Variants in LINGO2 observed in about 807,000 individuals in gnomAD.
LINGO2 encodes leucine-rich repeat and immunoglobulin-like domain-containing nogo receptor-interacting protein 2.
Under a neutral mutation model 30.6 loss-of-function variants are expected in LINGO2, and 14 were observed. That is an observed-to-expected ratio of 0.46 (90% CI 0.30 to 0.72). The LOEUF is 0.72. Ranked by LOEUF, LINGO2 falls within the 30% of genes least tolerant of loss-of-function variation. LINGO2 has a pLI of 0.07. For synonymous variants in LINGO2, 317 were observed against 288.5 expected (o/e 1.10, Z -1.00); for missense variants, 729 against 751.7 (o/e 0.97, Z 0.35).
the LINGO2 span, among the ~76,000 whole-genome samples, chr9:29,130,153 G>A: frequency 6.6e-6 from 1 of 152,106 alleles, no homozygotes; most frequent in Admixed American, 6.6e-5. Context: ...AAGAGAAGAT[G>A]GGCAATTGAA....
intron 1 of LINGO2, among the ~76,000 whole-genome samples, chr9:28,616,633 C>T (rs1826142404): frequency 6.6e-6 from 1 of 152,148 alleles, no homozygotes; most frequent in African/African-American, 2.4e-5. Context: ...ATTTCCCTGC[C>T]CTGATTATTG....
chr9:28,310,011 TG>T (rs1824547736), intron 3 of LINGO2, among the ~76,000 whole-genome samples: 1 of 152,118 alleles, frequency 6.6e-6, no homozygotes, highest in African/African-American at 2.4e-5. Context: ...TACCAAGTGT[TG>T]GCAAGGGTGT....
At chr9:28,405,215 A>G (rs1822450229) in intron 2 of LINGO2, among the ~76,000 whole-genome samples, 1 of 152,142 alleles carries the variant, frequency 6.6e-6, no homozygotes, top group Non-Finnish European at 1.5e-5. Flanking sequence ...CGTAACTTGT[A>G]TATTTAATTT....
chr9:28,647,776 G>A (rs908110821), intron 1 of LINGO2, among the ~76,000 whole-genome samples: 1 of 151,828 alleles, frequency 6.6e-6, no homozygotes, highest in African/African-American at 2.4e-5. Context: ...CTTCCAAAGA[G>A]TTTGGGATTA....
At chr9:28,789,139 A>G in the LINGO2 span, among the ~76,000 whole-genome samples, 5 of 152,148 alleles carry the variant, frequency 3.3e-5, no homozygotes, top group Admixed American at 3.3e-4. Context: ...AATATCACCA[A>G]CTTGAACATT....
intron 4 of LINGO2, among the ~76,000 whole-genome samples, chr9:28,267,067 A>C (rs1289639456): frequency 1.3e-5 from 2 of 152,058 alleles, no homozygotes; most frequent in African/African-American, 2.4e-5. Context: ...CAGACAGTGC[A>C]ATAATGCCCT....
the LINGO2 span, among the ~76,000 whole-genome samples, chr9:28,973,598 C>T: frequency 1.3e-5 from 2 of 152,152 alleles, no homozygotes; most frequent in Admixed American, 6.5e-5. Flanking sequence ...TATCTTGCTC[C>T]CCCTTTGCTT....
intron 4 of LINGO2, among the ~76,000 whole-genome samples, chr9:28,279,870 A>G (rs1474045909): frequency 1.3e-5 from 2 of 152,180 alleles, no homozygotes; most frequent in Non-Finnish European, 2.9e-5. Flanking sequence ...AAACAGTTTT[A>G]GAATACACCA....
chr9:28,555,684 G>A (rs1297445559), intron 1 of LINGO2, among the ~76,000 whole-genome samples: 2 of 151,964 alleles, frequency 1.3e-5, no homozygotes, highest in African/African-American at 4.8e-5. Context: ...GCCGGGCCGA[G>A]ACACAACCAA....
At chr9:28,479,520 T>C (rs1473513094) in intron 1 of LINGO2, among the ~76,000 whole-genome samples, 1 of 151,936 alleles carries the variant, frequency 6.6e-6, no homozygotes, top group Non-Finnish European at 1.5e-5. Flanking sequence ...TTGCTAAATA[T>C]TACTGCCAAA....
the LINGO2 span, among the ~76,000 whole-genome samples, chr9:28,813,288 A>G: frequency 1.3e-5 from 2 of 152,150 alleles, no homozygotes. Flanking sequence ...TATACATGAT[A>G]TGGTTTTCTC....
At chr9:28,863,016 T>C in the LINGO2 span, among the ~76,000 whole-genome samples, 27 of 152,200 alleles carry the variant, frequency 1.8e-4, no homozygotes, top group East Asian at 5.0e-3. Flanking sequence ...AATAGGACTA[T>C]AGATACTGTT....
intron 4 of LINGO2, among the ~76,000 whole-genome samples, chr9:28,292,490 T>C (rs1428987728): frequency 6.6e-6 from 1 of 152,156 alleles, no homozygotes; most frequent in Non-Finnish European, 1.5e-5. Context: ...TGAGACGGAG[T>C]CTTGCTCTGT....
chr9:28,667,238 TTAAC>T (rs533041174), intron 1 of LINGO2, among the ~76,000 whole-genome samples: 51 of 152,272 alleles, frequency 3.3e-4, no homozygotes, highest in Non-Finnish European at 4.6e-4. Context: ...TTTTCTCACT[TTAAC>T]TAAACCCATG....
intron 1 of LINGO2, among the ~76,000 whole-genome samples, chr9:28,657,083 C>A (rs1828377469): frequency 6.6e-6 from 1 of 151,974 alleles, no homozygotes; most frequent in Non-Finnish European, 1.5e-5. Flanking sequence ...TGATCCAAAA[C>A]CATTCAACTA....
At chr9:29,052,291 G>A in the LINGO2 span, among the ~76,000 whole-genome samples, 8 of 152,096 alleles carry the variant, frequency 5.3e-5, no homozygotes. Flanking sequence ...TACTGGAAAT[G>A]TTACTAAGCA....
chr9:28,394,376 A>T lies in LINGO2; in HGVS notation c.-278-21508T>A, dbSNP rs574148561. On this transcript the variant is annotated intron_variant, in intron 2 of 5. Coordinates refer to ENST00000379992, the Ensembl canonical transcript of LINGO2. ...ATGGGGATTGTTTTTTCCATCATCC[A>T]AACAGAATCAGATGACAGTGAGAAA... Among the ~76,000 whole-genome samples, 4 of 152,268 alleles carry T rather than the reference A, an allele frequency of 2.6e-5. No homozygotes were observed. In the South Asian group the frequency reaches 6.2e-4, roughly 24 times the overall value.
chr9:28,407,590 C>T (rs1822564787), intron 2 of LINGO2, among the ~76,000 whole-genome samples: 1 of 152,150 alleles, frequency 6.6e-6, no homozygotes, highest in Admixed American at 6.6e-5. Context: ...GTTGCCAACA[C>T]TTGCAAATTT....
chr9:28,447,311 A>C (rs2135051069), intron 2 of LINGO2, among the ~76,000 whole-genome samples: 1 of 152,294 alleles, frequency 6.6e-6, no homozygotes, highest in South Asian at 2.1e-4. Context: ...TGTCCTTATG[A>C]ATGGAATTAG....
Sources: gnomAD v4.1 joint callset for allele counts (sites outside exome capture counted in the v4.1 genomes callset) on GRCh38, gnomAD v4.1.1 for gene constraint, MANE v1.5 for transcripts, NCBI Gene and HGNC (gene_info 2026-07-23, HGNC 2026-07-21) for gene names.